The following CDC27 variants were observed in gnomAD, a reference collection of about 807,000 sequenced individuals.
The protein encoded by CDC27 is cell division cycle protein 27 homolog.
A neutral mutation model predicts 109.7 loss-of-function variants in CDC27; 27 were observed. The observed-to-expected ratio is 0.25, with a 90% CI of 0.18 to 0.34. The LOEUF is 0.34. Ranked by LOEUF, CDC27 falls within the 10% of genes least tolerant of loss-of-function variation. The pLI is 1.00. For missense variants in CDC27, 579 were observed against 960.2 expected, an observed-to-expected ratio of 0.60 and a Z score of 5.25; for synonymous variants, 266 against 333.9, an observed-to-expected ratio of 0.80 and a Z score of 2.22.
chr17:47,173,496 G>A (rs1170260855), intron 2 of CDC27, among the ~76,000 whole-genome samples: 1 of 151,990 alleles, frequency 6.6e-6, no homozygotes, highest in African/African-American at 2.4e-5. Context: ...CAATGGTCTG[G>A]TTTCTTTTCA....
At chr17:47,176,793 T>G (rs2064031391) in intron 2 of CDC27, among the ~76,000 whole-genome samples, 1 of 152,188 alleles carries the variant, frequency 6.6e-6, no homozygotes, top group Admixed American at 6.5e-5. Flanking sequence ...AACATCCAAG[T>G]TAATTCAATG....
chr17:47,157,454 A>AAAAAAG, intron 5 of CDC27, 70 bp from the exon 6 acceptor site: 2 of 1,196,884 alleles, frequency 1.7e-6, no homozygotes, highest in Non-Finnish European at 2.4e-6. Flanking sequence ...AAGTATGCAT[A>AAAAAAG]AATCAGTGGA....
rs2061956652 is a variant in CDC27 at position 47,120,485 on chromosome 17, C to T, written c.*450G>A. The T allele has an allele frequency of 1.3e-5, 2 of 154,230 alleles. No homozygotes were observed. Among genetic ancestry groups the T allele is most frequent in the African/African-American group, 4.8e-5 (2 of 41,418 alleles). The allele number at this position is 154,230 out of a possible 1,614,324, so 9.6% of individuals were successfully genotyped here. A position where few individuals can be genotyped will look rare whatever the true frequency, so the allele number is the denominator to read the frequency against. On this transcript the variant is annotated 3_prime_UTR_variant, in exon 19 of 19. Coordinates refer to ENST00000066544, the MANE Select transcript of CDC27 (RefSeq NM_001256.6). ...TTGTTCCATCTGGCACTTGCAAACACCATTCTTGAAGAACCTAGAAATGAA... is the reference window on the plus strand; with the variant it reads ...TTGTTCCATCTGGCACTTGCAAACATCATTCTTGAAGAACCTAGAAATGAA...
At chr17:47,126,416 G>A (rs981708294) in intron 16 of CDC27, among the ~76,000 whole-genome samples, 9 of 152,114 alleles carry the variant, frequency 5.9e-5, no homozygotes, top group African/African-American at 1.9e-4. Context: ...TGTGGCTCAG[G>A]GGGCTGCCTG....
chr17:47,127,274 A>T (rs532987695), intron 16 of CDC27, among the ~76,000 whole-genome samples: 1 of 152,328 alleles, frequency 6.6e-6, no homozygotes, highest in African/African-American at 2.4e-5. Context: ...CTAAAGAAAG[A>T]CAAGCTTTTT....
intron 9 of CDC27, among the ~76,000 whole-genome samples, chr17:47,147,123 G>A (rs117594331): frequency 0.045 from 6,832 of 152,044 alleles, 208 homozygotes; most frequent in Middle Eastern, 0.11. Flanking sequence ...CTAGGCAGCC[G>A]GGCGCGGTGG....
At chr17:47,144,151 T>C (rs1568397948) in intron 9 of CDC27, among the ~76,000 whole-genome samples, 169 bp from the exon 10 acceptor site, 2 of 152,158 alleles carry the variant, frequency 1.3e-5, no homozygotes, top group Admixed American at 6.5e-5. Context: ...ACACAGTATT[T>C]AAAAATGAGG....
Position 47,118,349 on chromosome 17 carries a change from AC to A in CDC27, c.*2585del, listed in dbSNP as rs774333766. ...GATGAATACAGAAAATGTAGGGACCACCTTTCATTCTTTTGAGTACCACTGT... is the reference window on the plus strand; with the variant it reads ...GATGAATACAGAAAATGTAGGGACCACTTTCATTCTTTTGAGTACCACTGT... On this transcript the variant is annotated 3_prime_UTR_variant, in exon 19 of 19. Transcript: ENST00000066544. 1 of 152,556 alleles carries A rather than the reference AC, an allele frequency of 6.6e-6. No homozygotes were observed. Among genetic ancestry groups the A allele is most frequent in the East Asian group, 1.9e-4 (1 of 5,200 alleles). 9.5% of individuals were successfully genotyped at this position (152,556 alleles called of 1,614,324 possible). A position where few individuals can be genotyped will look rare whatever the true frequency, so the allele number is the denominator to read the frequency against.
At chr17:47,156,869 C>T (rs372162279) in intron 7 of CDC27, 44 bp downstream of exon 7, 23 of 634,094 alleles carry the variant, frequency 3.6e-5, no homozygotes, top group African/African-American at 3.5e-4. Context: ...ATCATAAGAT[C>T]ATTTGGTATT....
chr17:47,134,840 G>T (rs1434745900), intron 14 of CDC27, among the ~76,000 whole-genome samples: 1 of 148,724 alleles, frequency 6.7e-6, no homozygotes, highest in East Asian at 2.0e-4. Context: ...GACCAGGCTG[G>T]TCTCAAACTC....
At chr17:47,137,109 C>A in intron 14 of CDC27, 43 bp downstream of exon 14, 1 of 1,215,388 alleles carries the variant, frequency 8.2e-7, no homozygotes, top group East Asian at 2.5e-5. Context: ...TAAGTACCAG[C>A]ACCATCAATA....
chr17:47,133,448 T>A (rs974357327), intron 14 of CDC27, among the ~76,000 whole-genome samples: 1 of 146,294 alleles, frequency 6.8e-6, no homozygotes, highest in East Asian at 2.0e-4. Flanking sequence ...GTTTTTTTGT[T>A]TTTTTTTTGA....
intron 4 of CDC27, among the ~76,000 whole-genome samples, chr17:47,163,443 GT>G (rs1162341343): frequency 6.6e-6 from 1 of 152,168 alleles, no homozygotes. Flanking sequence ...GCTCATGCCT[GT>G]AATCCCAGCA....
chr17:47,145,158 C>T (rs1257520935), intron 9 of CDC27, among the ~76,000 whole-genome samples: 2 of 152,146 alleles, frequency 1.3e-5, no homozygotes, highest in Non-Finnish European at 2.9e-5. Context: ...ATATATGGAA[C>T]AATGGTTTTC....
chr17:47,187,659 G>A (rs1015405623), intron 1 of CDC27, among the ~76,000 whole-genome samples: 17 of 151,368 alleles, frequency 1.1e-4, no homozygotes, highest in African/African-American at 3.9e-4. Flanking sequence ...GTCTATCAAT[G>A]CAACTAGTTT....
At chr17:47,180,945 T>TCAAAAAAAAAA (rs1555560988) in intron 2 of CDC27, among the ~76,000 whole-genome samples, 13 of 111,676 alleles carry the variant, frequency 1.2e-4, no homozygotes, top group African/African-American at 2.8e-4. Flanking sequence ...ACTCTTTTCT[T>TCAAAAAAAAAA]AAAAAAAAAA....
chr17:47,147,947 TC>T (rs1020054369), intron 9 of CDC27, among the ~76,000 whole-genome samples: 6 of 136,260 alleles, frequency 4.4e-5, no homozygotes, highest in African/African-American at 1.7e-4. Context: ...ACACCTGTAA[TC>T]CCAGCACTTT....
At chr17:47,147,371 C>G (rs2062994769) in intron 9 of CDC27, among the ~76,000 whole-genome samples, 1 of 151,318 alleles carries the variant, frequency 6.6e-6, no homozygotes, top group Non-Finnish European at 1.5e-5. Flanking sequence ...TGCACTCCAG[C>G]CTGGGCGACA....
At chr17:47,129,657 T>C in intron 15 of CDC27, 136 bp from the exon 16 acceptor site, 2 of 485,720 alleles carry the variant, frequency 4.1e-6, no homozygotes, top group Admixed American at 3.5e-5. Context: ...GTCCACTGCA[T>C]TAAGTGGATT....
Sources: allele counts gnomAD v4.1 joint callset (sites outside exome capture counted in the v4.1 genomes callset), GRCh38; gene constraint gnomAD v4.1.1; transcripts MANE v1.5; gene names NCBI Gene and HGNC (gene_info 2026-07-23, HGNC 2026-07-21).